Variants in METTL16 observed in about 807,000 individuals in gnomAD.
METTL16 encodes methyltransferase 16, RNA N6-adenosine.
Under a neutral mutation model 57.9 loss-of-function variants are expected in METTL16, and 19 were observed. The observed-to-expected ratio is 0.33, with a 90% CI of 0.23 to 0.48. The LOEUF (loss-of-function observed/expected upper bound fraction) is 0.48, where lower values mean the gene tolerates loss of function less well. METTL16 is among the 20% of genes least tolerant of loss of function. The probability of loss-of-function intolerance (pLI) is 0.99; values close to 1 mark genes in which losing one functional copy is unlikely to be tolerated. For missense variants in METTL16, 434 were observed against 691.5 expected, an observed-to-expected ratio of 0.63 and a Z score of 4.18; for synonymous variants, 246 against 255.6, an observed-to-expected ratio of 0.96 and a Z score of 0.36.
At chr17:2,464,118 G>T (rs191259863) in intron 6 of METTL16, 90 bp downstream of exon 6, 10 of 1,360,012 alleles carry the variant, frequency 7.4e-6, no homozygotes, top group Middle Eastern at 2.6e-4. Flanking sequence ...GCAAGACTCT[G>T]TCCCCCGCCA....
chr17:2,495,846 C>T (rs1278040784), intron 2 of METTL16, among the ~76,000 whole-genome samples: 3 of 151,618 alleles, frequency 2.0e-5, no homozygotes, highest in African/African-American at 7.3e-5. Context: ...CGGTGGCTCA[C>T]GCCTGTAATC....
chr17:2,497,207 T>C (rs1597471786), intron 2 of METTL16, among the ~76,000 whole-genome samples: 1 of 151,322 alleles, frequency 6.6e-6, no homozygotes, highest in Non-Finnish European at 1.5e-5. Flanking sequence ...GGTTTCACCA[T>C]GTTGGCCAGA....
intron 2 of METTL16, among the ~76,000 whole-genome samples, chr17:2,489,663 TGA>T (rs1334433468): frequency 7.6e-6 from 1 of 132,220 alleles, no homozygotes; most frequent in Non-Finnish European, 1.5e-5. Flanking sequence ...CGCTTGAACC[TGA>T]GAGGTGGAGG....
At chr17:2,479,912 C>G (rs953614716) in intron 2 of METTL16, among the ~76,000 whole-genome samples, 5 of 152,098 alleles carry the variant, frequency 3.3e-5, no homozygotes, top group Non-Finnish European at 1.5e-5. Context: ...ACTGGCCGGG[C>G]ACGGTGGCTC....
intron 1 of METTL16, among the ~76,000 whole-genome samples, chr17:2,503,215 T>C (rs2067502459): frequency 6.6e-6 from 1 of 152,158 alleles, no homozygotes; most frequent in Admixed American, 6.5e-5. Flanking sequence ...CATCAGCAGA[T>C]GAATGTGGAC....
At chr17:2,474,927 CTCTT>C (rs1003101206) in intron 3 of METTL16, among the ~76,000 whole-genome samples, 3 of 152,058 alleles carry the variant, frequency 2.0e-5, no homozygotes, top group African/African-American at 7.2e-5. Context: ...CTCTCTCTCT[CTCTT>C]ACAATATTGA....
At chr17:2,461,758 T>C (rs1274082904) in intron 6 of METTL16, among the ~76,000 whole-genome samples, 17 of 152,068 alleles carry the variant, frequency 1.1e-4, no homozygotes, top group Admixed American at 1.1e-3. Context: ...TTGTATTTTT[T>C]ACTAGAGACG....
chr17:2,484,317 A>G (rs2067326467), intron 2 of METTL16, among the ~76,000 whole-genome samples: 1 of 152,248 alleles, frequency 6.6e-6, no homozygotes, highest in East Asian at 1.9e-4. Context: ...TAAACAACAC[A>G]TTAAAAAGTC....
chr17:2,483,219 C>T (rs770290770), intron 2 of METTL16, among the ~76,000 whole-genome samples: 1 of 151,976 alleles, frequency 6.6e-6, no homozygotes, highest in Admixed American at 6.6e-5. Flanking sequence ...AAAAGTATCC[C>T]AGACAACTAC....
chr17:2,481,199 C>T (rs1364307185), intron 2 of METTL16, among the ~76,000 whole-genome samples: 2 of 150,134 alleles, frequency 1.3e-5, no homozygotes, highest in African/African-American at 2.5e-5. Flanking sequence ...CAGAGTGAGA[C>T]CATGTTTCAG....
At chr17:2,484,614 C>T (rs1438293537) in intron 2 of METTL16, among the ~76,000 whole-genome samples, 1 of 152,194 alleles carries the variant, frequency 6.6e-6, no homozygotes, top group African/African-American at 2.4e-5. Flanking sequence ...TCTGCCTCAA[C>T]CTCCTGAGTA....
intron 2 of METTL16, among the ~76,000 whole-genome samples, chr17:2,478,850 C>T (rs376869816): frequency 2.0e-5 from 3 of 152,154 alleles, no homozygotes; most frequent in Admixed American, 6.5e-5. Flanking sequence ...AGAATGACTA[C>T]ATTTTGTTTA....
At chr17:2,459,165 G>C (rs1334639604) in intron 6 of METTL16, among the ~76,000 whole-genome samples, 1 of 152,136 alleles carries the variant, frequency 6.6e-6, no homozygotes, top group Non-Finnish European at 1.5e-5. Context: ...GGCACAAAAA[G>C]CCAAAGTAAG....
At chr17:2,432,200 T>C (rs926219988) in intron 8 of METTL16, among the ~76,000 whole-genome samples, 2 of 152,212 alleles carry the variant, frequency 1.3e-5, no homozygotes, top group African/African-American at 2.4e-5. Context: ...TCCGCCTGCC[T>C]TGGCCTCCCA....
intron 6 of METTL16, among the ~76,000 whole-genome samples, chr17:2,453,291 G>C (rs149996369): frequency 6.6e-6 from 1 of 152,128 alleles, no homozygotes; most frequent in African/African-American, 2.4e-5. Context: ...TATTCTCCCC[G>C]ATACAAGGCC....
chr17:2,505,060 C>T (rs1325554381), intron 1 of METTL16, among the ~76,000 whole-genome samples: 2 of 151,958 alleles, frequency 1.3e-5, no homozygotes, highest in East Asian at 3.9e-4. Context: ...GAAATAAAAG[C>T]AAATGTACTT....
chr17:2,420,162 T>C lies in METTL16; in HGVS notation c.1497A>G (p.Pro499=), dbSNP rs1282749081. The C allele has an allele frequency of 6.2e-7, 1 of 1,614,132 alleles. No individual in the cohort carries two copies. The highest frequency in any genetic ancestry group is 2.2e-5 in the East Asian group (1 of 44,896). Residue 499 remains proline, a synonymous_variant, in exon 10 of 10, where the codon CCA becomes CCG. Transcript: ENST00000263092. This position sits in a 1 kb window ranked among gnomAD's most constrained non-coding sequence, Gnocchi z 5.4. ...GGAGACGTTTCCCCCTTTCAGCCAC[T>C]GGGCTGCCGAACTGCTCAGAAGCCT... ...DQEASEQFGS[P]VAERGKRLPG... is the part of the protein sequence containing the mutation.
At chr17:2,446,112 G>A (rs2066993518) in intron 6 of METTL16, among the ~76,000 whole-genome samples, 1 of 152,012 alleles carries the variant, frequency 6.6e-6, no homozygotes, top group Non-Finnish European at 1.5e-5. Flanking sequence ...ACTAGAAATA[G>A]AAGAAAACTT....
At chr17:2,437,596 G>T (rs1313520141) in intron 8 of METTL16, among the ~76,000 whole-genome samples, 2 of 152,108 alleles carry the variant, frequency 1.3e-5, no homozygotes, top group African/African-American at 4.8e-5. Context: ...CTGTGGCCCA[G>T]GCTGGAGTGC....
Sources: allele counts gnomAD v4.1 joint callset (sites outside exome capture counted in the v4.1 genomes callset), GRCh38; gene constraint gnomAD v4.1.1; non-coding constraint Gnocchi (gnomAD v3.1); transcripts MANE v1.5; gene names NCBI Gene and HGNC (gene_info 2026-07-23, HGNC 2026-07-21).